EFCAB12: variants seen among roughly 807,000 people sequenced by gnomAD.
EFCAB12 encodes EF-hand calcium binding domain 12.
A neutral mutation model predicts 53.6 loss-of-function variants in EFCAB12; 43 were observed. That is an observed-to-expected ratio of 0.80 (90% CI 0.63 to 1.03). EFCAB12 has a LOEUF of 1.03. Among genes scored for constraint, EFCAB12 ranks in the 50% least tolerant of loss-of-function variants. EFCAB12 has a pLI of 0.00. For synonymous variants in EFCAB12, 269 were observed against 289.2 expected (o/e 0.93, Z 0.71); for missense variants, 646 against 730.6 (o/e 0.88, Z 1.34).
intron 4 of EFCAB12, chr3:129,412,881 A>T (rs1559787519): frequency 6.6e-6 from 1 of 152,256 alleles, no homozygotes; most frequent in Non-Finnish European, 1.5e-5. Context: ...AGTTTCTAGA[A>T]GTGGCACATA....
intron 5 of EFCAB12, among the ~76,000 whole-genome samples, chr3:129,409,144 G>A (rs72984762): frequency 0.062 from 9,497 of 152,214 alleles, 928 homozygotes; most frequent in East Asian, 0.44. Context: ...CCCTAGAGGC[G>A]TCCTATTGAA....
chr3:129,402,833 C>G, intron 7 of EFCAB12: 1 of 481,506 alleles, frequency 2.1e-6, no homozygotes, highest in Non-Finnish European at 3.8e-6. Flanking sequence ...CTTCCCCTTT[C>G]TCATCCTTGG....
At chr3:129,422,650 CACTTATCACG>C (rs1037502565) in intron 1 of EFCAB12, among the ~76,000 whole-genome samples, 8 of 152,140 alleles carry the variant, frequency 5.3e-5, no homozygotes, top group East Asian at 1.9e-4. Context: ...TCCTTCAGAC[CACTTATCACG>C]ACTGGGTACA....
chr3:129,421,474 C>T lies in EFCAB12; in HGVS notation c.379G>A (p.Glu127Lys), dbSNP rs1304953606. ...ESFGDVKRWL[E>K]NKPSITPSEA... is the part of the protein sequence containing the mutation. ...GAAGGCGTGATGCTGGGCTTGTTCTCCAGCCACCTCTTTACATCACCAAAG... is the reference window on the plus strand; with the variant it reads ...GAAGGCGTGATGCTGGGCTTGTTCTTCAGCCACCTCTTTACATCACCAAAG... Residue 127 changes from glutamate to lysine, a missense_variant, in exon 2 of 9, where the codon GAG becomes AAG. Coordinates refer to ENST00000505956, the MANE Select transcript of EFCAB12 (RefSeq NM_207307.3). The T allele has an allele frequency of 3.1e-6, 5 of 1,613,908 alleles. No homozygotes were observed. Among genetic ancestry groups the T allele is most frequent in the African/African-American group, 2.7e-5 (2 of 74,926 alleles).
At position 129,401,972 on chromosome 3, in the gene EFCAB12, C is replaced by T. The variant is rs183186453; in HGVS notation, c.1461-121G>A. The T allele has an allele frequency of 4.4e-5, 59 of 1,329,186 alleles. No individual in the cohort carries two copies. The East Asian group carries it at 1.2e-3, about 28-fold the overall frequency. The allele number at this position is 1,329,186 out of a possible 1,614,324, so 82.3% of individuals were successfully genotyped here. A position where few individuals can be genotyped will look rare whatever the true frequency, so the allele number is the denominator to read the frequency against. On this transcript the variant is annotated intron_variant, in intron 8 of 8. Coordinates refer to ENST00000505956, the MANE Select transcript of EFCAB12 (RefSeq NM_207307.3). ...TTTAGCACTGTGCCAAGCACTTCAG[C>T]ACCTCAGTCCTCCCCACAGTTCCAT...
Position 129,411,355 on chromosome 3 carries a change from C to T in EFCAB12, c.839-1G>A. Reference sequence around the variant, plus strand: ...TCTCTGTGCTTGGCCAAGATATAATCTGGAGTCAGAGGGAAGAGATGAAGG... The same window carrying T: ...TCTCTGTGCTTGGCCAAGATATAATTTGGAGTCAGAGGGAAGAGATGAAGG... On this transcript the variant is annotated splice_acceptor_variant, in intron 4 of 8. Transcript: ENST00000505956. LOFTEE classifies it high-confidence loss of function. 4 of 1,563,564 alleles carry T rather than the reference C, an allele frequency of 2.6e-6. No homozygotes were observed. Among genetic ancestry groups the T allele is most frequent in the Non-Finnish European group, 3.5e-6 (4 of 1,151,354 alleles).
intron 2 of EFCAB12, 64 bp downstream of exon 2, chr3:129,421,303 G>T: frequency 6.8e-7 from 1 of 1,480,820 alleles, no homozygotes; most frequent in Non-Finnish European, 9.0e-7. Context: ...CTAACCCAAG[G>T]GAATAAAATA....
intron 2 of EFCAB12, among the ~76,000 whole-genome samples, 178 bp downstream of exon 2, chr3:129,421,189 G>C (rs753513148): frequency 6.6e-6 from 1 of 152,222 alleles, no homozygotes; most frequent in Non-Finnish European, 1.5e-5. Flanking sequence ...AGTCATTTGG[G>C]GGTGTTTGTT....
chr3:129,407,993 C>T (rs1268012251), intron 6 of EFCAB12, among the ~76,000 whole-genome samples: 2 of 152,212 alleles, frequency 1.3e-5, no homozygotes, highest in African/African-American at 4.8e-5. Flanking sequence ...CGGGGCTGGG[C>T]CCTTCTCCGC....
chr3:129,404,178 C>T, intron 7 of EFCAB12, 72 bp downstream of exon 7: 2 of 1,543,440 alleles, frequency 1.3e-6, no homozygotes, highest in Non-Finnish European at 1.7e-6. Context: ...CTCCAGCCTC[C>T]AGCCCCCACA....
rs776774356 is a variant in EFCAB12 at position 129,415,407 on chromosome 3, G to C, written c.682-6C>G. 1.2e-6 allele frequency: 2 copies of C among 1,613,324 alleles called. No individual in the cohort carries two copies. Among genetic ancestry groups the C allele is most frequent in the African/African-American group, 2.7e-5 (2 of 74,890 alleles). On this transcript the variant is annotated splice_polypyrimidine_tract_variant and splice_region_variant and intron_variant, in intron 3 of 8. Transcript: ENST00000505956. ...TTCTTCAGAGGGACTCCGACCTGAGGAGAGAGAAGACCTTCAGACTAGCAG... is the reference window on the plus strand; with the variant it reads ...TTCTTCAGAGGGACTCCGACCTGAGCAGAGAGAAGACCTTCAGACTAGCAG...
intron 2 of EFCAB12, 113 bp from the exon 3 acceptor site, chr3:129,418,561 G>A: frequency 1.0e-6 from 1 of 984,316 alleles, no homozygotes; most frequent in South Asian, 2.1e-5. Context: ...TAAATAGCAG[G>A]ATAGAGTACA....
intron 6 of EFCAB12, among the ~76,000 whole-genome samples, chr3:129,407,272 G>A (rs1298245844): frequency 1.3e-5 from 2 of 152,200 alleles, no homozygotes; most frequent in African/African-American, 4.8e-5. Context: ...CTCCAGAACG[G>A]TGAAAAATAA....
intron 4 of EFCAB12, 133 bp from the exon 5 acceptor site, chr3:129,411,487 C>G (rs2072040166): frequency 1.1e-6 from 1 of 877,686 alleles, no homozygotes; most frequent in African/African-American, 1.7e-5. Context: ...CACGTCTGGG[C>G]AGTGCCCACC....
At chr3:129,427,452 TTC>T (rs1490934449) in intron 1 of EFCAB12, among the ~76,000 whole-genome samples, 5 of 152,154 alleles carry the variant, frequency 3.3e-5, no homozygotes, top group African/African-American at 1.2e-4. Context: ...TATTTGCCTC[TTC>T]TGTGTTTCCT....
chr3:129,407,724 G>A (rs1219258680), intron 6 of EFCAB12, among the ~76,000 whole-genome samples: 1 of 152,166 alleles, frequency 6.6e-6, no homozygotes. Context: ...GACCGGCCTG[G>A]CCAACATGGT....
chr3:129,401,739 G>C lies in EFCAB12; in HGVS notation c.1573C>G (p.Arg525Gly). The change falls in exon 9 of 9, where the codon CGG (arginine) becomes GGG (glycine). Residue 525 changes from arginine (R) to glycine (G), a missense_variant. Arg to Gly is a moderately radical substitution (Grantham distance 125, BLOSUM62 -2). Coordinates refer to ENST00000505956, the MANE Select transcript of EFCAB12 (RefSeq NM_207307.3). ...QLYLPTVATD[R>G]SLALFSCVQH... The stretch of plus-strand genomic sequence containing the variant: ...ACACAACTGAAGAGCGCCAGGCTCC[G>C]GTCTGTGGCCACAGTGGGCAGGTAG... 6.2e-7 allele frequency: 1 copy of C among 1,603,836 alleles called. No homozygotes were observed. Among genetic ancestry groups the C allele is most frequent in the Non-Finnish European group, 8.5e-7 (1 of 1,175,136 alleles).
intron 1 of EFCAB12, among the ~76,000 whole-genome samples, chr3:129,427,169 T>C (rs2072283777): frequency 6.6e-6 from 1 of 151,978 alleles, no homozygotes; most frequent in South Asian, 2.1e-4. Flanking sequence ...AAAAACAATT[T>C]TGTAGAGATG....
chr3:129,420,483 T>C (rs575627381), intron 2 of EFCAB12, among the ~76,000 whole-genome samples: 36 of 152,318 alleles, frequency 2.4e-4, no homozygotes, highest in Non-Finnish European at 4.7e-4. Context: ...TATCACTATA[T>C]GTTTGGATAA....
Sources: gnomAD v4.1 joint callset for allele counts (sites outside exome capture counted in the v4.1 genomes callset) on GRCh38, gnomAD v4.1.1 for gene constraint, MANE v1.5 for transcripts, NCBI Gene and HGNC (gene_info 2026-07-23, HGNC 2026-07-21) for gene names.